DGKB: variants seen among roughly 807,000 people sequenced by gnomAD.
The protein encoded by DGKB is diacylglycerol kinase beta.
Under a neutral mutation model 114.3 loss-of-function variants are expected in DGKB, and 67 were observed. The observed-to-expected ratio is 0.59, with a 90% CI of 0.48 to 0.72. The LOEUF (loss-of-function observed/expected upper bound fraction) is 0.72. Among genes scored for constraint, DGKB ranks in the 30% least tolerant of loss-of-function variants. The pLI, the probability that DGKB is intolerant of heterozygous loss-of-function variation, is 0.00. For synonymous variants in DGKB, 398 were observed against 323.1 expected, an observed-to-expected ratio of 1.23 and a Z score of -2.49; for missense variants, 907 against 975.2, an observed-to-expected ratio of 0.93 and a Z score of 0.93.
intron 21 of DGKB, among the ~76,000 whole-genome samples, chr7:14,445,778 C>T (rs73679782): frequency 0.019 from 2,908 of 151,968 alleles, 75 homozygotes; most frequent in African/African-American, 0.067. Flanking sequence ...CCATTAAACA[C>T]GGGTATAAGT....
At chr7:14,844,859 C>T (rs563219347) in intron 1 of DGKB, among the ~76,000 whole-genome samples, 1 of 152,234 alleles carries the variant, frequency 6.6e-6, no homozygotes, top group African/African-American at 2.4e-5. Flanking sequence ...GTAATCCCAG[C>T]ACTTTGGGAG....
At chr7:14,446,342 C>T (rs938845757) in intron 21 of DGKB, among the ~76,000 whole-genome samples, 1 of 152,092 alleles carries the variant, frequency 6.6e-6, no homozygotes, top group African/African-American at 2.4e-5. Flanking sequence ...ATCAAAGCTT[C>T]CTGAGAATTT....
At chr7:14,236,943 T>A in intron 23 of DGKB, among the ~76,000 whole-genome samples, 1 of 151,940 alleles carries the variant, frequency 6.6e-6, no homozygotes, top group Non-Finnish European at 1.5e-5. Flanking sequence ...GTGATGTTTA[T>A]CCTCCACTTA....
At chr7:14,268,267 C>T (rs1323453163) in intron 23 of DGKB, among the ~76,000 whole-genome samples, 1 of 152,046 alleles carries the variant, frequency 6.6e-6, no homozygotes, top group African/African-American at 2.4e-5. Flanking sequence ...ATATTTCTCT[C>T]ACATCACCAG....
intron 12 of DGKB, among the ~76,000 whole-genome samples, chr7:14,675,680 C>G (rs1819730580): frequency 2.0e-5 from 3 of 151,898 alleles, no homozygotes; most frequent in Middle Eastern, 6.8e-3. Context: ...TCGTAAGGCA[C>G]TCCCCAAGAC....
At chr7:14,948,614 G>C (rs937308812) in intron 1 of DGKB, among the ~76,000 whole-genome samples, 6 of 151,768 alleles carry the variant, frequency 4.0e-5, no homozygotes, top group Admixed American at 1.3e-4. Context: ...GATAAAACTT[G>C]TCAGTAGCAT....
chr7:14,379,804 C>T (rs377697578), intron 21 of DGKB, among the ~76,000 whole-genome samples: 2 of 151,940 alleles, frequency 1.3e-5, no homozygotes, highest in Admixed American at 6.6e-5. Context: ...GTGATCTGCC[C>T]GCCTCGGCCT....
At position 14,166,821 on chromosome 7, in the gene DGKB, G is replaced by A. The variant is rs185871800; in HGVS notation, c.2304+10018C>T. ...GAACAAAAACTGGAATTGTATACCA[G>A]GTACAGATAGAAAGTGCCAAGAAAA... On this transcript the variant is annotated intron_variant, in intron 25 of 25. Coordinates refer to ENST00000402815, the MANE Select transcript of DGKB (RefSeq NM_001350709.2). 4.9e-4 allele frequency among the ~76,000 whole-genome samples: 75 copies of A among 152,106 alleles called. No individual in the cohort carries two copies. The South Asian group carries it at 5.4e-3, about 11-fold the overall frequency.
intron 23 of DGKB, among the ~76,000 whole-genome samples, chr7:14,298,417 C>G (rs1259280369): frequency 6.6e-6 from 1 of 152,140 alleles, no homozygotes; most frequent in Non-Finnish European, 1.5e-5. Flanking sequence ...CTATAACCAT[C>G]TGATGTTTGA....
intron 21 of DGKB, among the ~76,000 whole-genome samples, chr7:14,418,886 C>G (rs950543486): frequency 6.6e-6 from 1 of 151,860 alleles, no homozygotes; most frequent in African/African-American, 2.4e-5. Flanking sequence ...ACACAGAAGG[C>G]ATTCAGTAAG....
chr7:14,402,453 C>T (rs766010256), intron 21 of DGKB, among the ~76,000 whole-genome samples: 10 of 151,636 alleles, frequency 6.6e-5, no homozygotes, highest in Admixed American at 1.3e-4. Flanking sequence ...ACTGGGTGTG[C>T]GCTCTAGTCT....
At chr7:14,181,768 G>T (rs1782667516) in intron 23 of DGKB, among the ~76,000 whole-genome samples, 1 of 152,154 alleles carries the variant, frequency 6.6e-6, no homozygotes. Context: ...CTTTTGTTCA[G>T]TTTAATGTTA....
At chr7:14,234,515 C>T (rs998139443) in intron 23 of DGKB, among the ~76,000 whole-genome samples, 2 of 152,042 alleles carry the variant, frequency 1.3e-5, no homozygotes, top group East Asian at 1.9e-4. Context: ...GGTTTAAACA[C>T]TCCAAATGCC....
chr7:14,476,067 A>C (rs1325983348), intron 21 of DGKB, among the ~76,000 whole-genome samples: 2 of 151,992 alleles, frequency 1.3e-5, no homozygotes, highest in Admixed American at 1.3e-4. Context: ...GTACACTCCA[A>C]AAGGTATTAT....
chr7:14,938,176 A>G (rs1205849690), intron 1 of DGKB, among the ~76,000 whole-genome samples: 1 of 152,224 alleles, frequency 6.6e-6, no homozygotes, highest in Non-Finnish European at 1.5e-5. Flanking sequence ...CTAGAAAACT[A>G]TGGATATTCT....
At chr7:14,793,682 G>A (rs1318658941) in intron 2 of DGKB, among the ~76,000 whole-genome samples, 2 of 152,086 alleles carry the variant, frequency 1.3e-5, no homozygotes, top group Non-Finnish European at 2.9e-5. Flanking sequence ...CAGAAAAATT[G>A]TGATGAAATT....
At chr7:14,550,077 T>G (rs749651911) in intron 20 of DGKB, among the ~76,000 whole-genome samples, 8 of 152,164 alleles carry the variant, frequency 5.3e-5, no homozygotes, top group Non-Finnish European at 1.0e-4. Context: ...GTAATTTTGT[T>G]TTATTCTGTC....
intron 17 of DGKB, among the ~76,000 whole-genome samples, chr7:14,606,589 G>GC (rs1254404225): frequency 6.8e-6 from 1 of 147,870 alleles, no homozygotes; most frequent in Non-Finnish European, 1.5e-5. Context: ...TAAATCAACT[G>GC]CCTTTTTTTT....
intron 5 of DGKB, among the ~76,000 whole-genome samples, chr7:14,729,211 C>T (rs1271549394): frequency 3.3e-5 from 5 of 149,374 alleles, no homozygotes; most frequent in African/African-American, 5.0e-5. Flanking sequence ...CAAGCTCCGC[C>T]TCCTGGGTTC....
Sources: gnomAD v4.1 joint callset for allele counts (sites outside exome capture counted in the v4.1 genomes callset) on GRCh38, gnomAD v4.1.1 for gene constraint, MANE v1.5 for transcripts, NCBI Gene and HGNC (gene_info 2026-07-23, HGNC 2026-07-21) for gene names.